ANK2: variants seen among roughly 807,000 people sequenced by gnomAD.
The protein encoded by ANK2 is ankyrin-2.
In ANK2, 83 loss-of-function variants were observed where a neutral mutation model predicts 360.5. The observed-to-expected ratio is 0.23, with a 90% CI of 0.19 to 0.28. The LOEUF (loss-of-function observed/expected upper bound fraction) is 0.28, where lower values mean the gene tolerates loss of function less well. ANK2 is among the 10% of genes least tolerant of loss of function. The probability of loss-of-function intolerance (pLI) is 1.00; values close to 1 mark genes in which losing one functional copy is unlikely to be tolerated. For synonymous variants in ANK2, 1,740 were observed against 1,759.5 expected (o/e 0.99, Z 0.28); for missense variants, 4,201 against 4,795.7 (o/e 0.88, Z 3.66).
chr4:112,827,511 A>T, intron 1 of ANK2: 1 of 1,222,356 alleles, frequency 8.2e-7, no homozygotes, highest in Non-Finnish European at 1.2e-6. Flanking sequence ...TTCATCTAAG[A>T]ATCACAAGAA....
chr4:113,367,758 C>T lies in ANK2; in HGVS notation c.11225C>T (p.Pro3742Leu), dbSNP rs753748906. Residue 3742 changes from proline (P) to leucine (L), a missense_variant, in exon 42 of 46, where the codon CCC becomes CTC. Around this residue, in one of 4 missense-constraint regions of ANK2, gnomAD observed 2,642 missense variants for 2,714.5 expected, o/e 0.97. Transcript: ENST00000357077. ...EGDSSATALF[P>L]QTHKEQVQQD... ...GACAGCTCAGCAACAGCACTCTTTCCCCAAACTCACAAGGAGCAAGTTCAA... is the reference window on the plus strand; with the variant it reads ...GACAGCTCAGCAACAGCACTCTTTCTCCAAACTCACAAGGAGCAAGTTCAA... The T allele has an allele frequency of 1.5e-5, 25 of 1,613,902 alleles. No individual in the cohort carries two copies. Among genetic ancestry groups the T allele is most frequent in the Admixed American group, 3.3e-5 (2 of 59,986 alleles).
intron 1 of ANK2, among the ~76,000 whole-genome samples, chr4:113,171,242 C>T (rs2153220682): frequency 6.6e-6 from 1 of 152,226 alleles, no homozygotes; most frequent in Non-Finnish European, 1.5e-5. Flanking sequence ...TGTTTGAATC[C>T]TCTTTCATCT....
chr4:112,825,700 G>A (rs1276057527), intron 1 of ANK2, among the ~76,000 whole-genome samples: 2 of 152,158 alleles, frequency 1.3e-5, no homozygotes, highest in African/African-American at 4.8e-5. Flanking sequence ...ATATTTACAT[G>A]ACATAAGAGC....
chr4:112,792,431 C>T, the ANK2 span, among the ~76,000 whole-genome samples: 1 of 152,096 alleles, frequency 6.6e-6, no homozygotes, highest in Non-Finnish European at 1.5e-5. Context: ...CTAGTGACAA[C>T]TAAACATTTG....
At position 113,373,140 on chromosome 4, in the gene ANK2, C is replaced by T. The variant is rs1476306807; in HGVS notation, c.11661C>T (p.Tyr3887=). 6.2e-7 allele frequency: 1 copy of T among 1,614,076 alleles called. No homozygotes were observed. Among genetic ancestry groups the T allele is most frequent in the East Asian group, 2.2e-5 (1 of 44,878 alleles). The change falls in exon 44 of 46, where the codon TAC becomes TAT. Residue 3887 remains tyrosine, a synonymous_variant. Transcript: ENST00000357077. ...CAGAAACAGTCACAGAAGAAGAATACATTGATGAGCATGGACACACCGTGG... is the reference window on the plus strand; with the variant it reads ...CAGAAACAGTCACAGAAGAAGAATATATTGATGAGCATGGACACACCGTGG... ...IPPETVTEEE[Y]IDEHGHTVVK...
intron 2 of ANK2, among the ~76,000 whole-genome samples, chr4:112,928,411 C>T (rs1159423577): frequency 6.6e-6 from 1 of 151,556 alleles, no homozygotes; most frequent in African/African-American, 2.4e-5. Context: ...CCATTGTCAA[C>T]CATAAAAATA....
intron 1 of ANK2, among the ~76,000 whole-genome samples, chr4:113,149,907 T>G (rs563887107): frequency 2.0e-5 from 2 of 101,088 alleles, no homozygotes; most frequent in East Asian, 3.3e-4. Context: ...AAAAGAAAGA[T>G]TGAAAGAAGA....
intron 1 of ANK2, among the ~76,000 whole-genome samples, chr4:113,099,382 G>A (rs937807974): frequency 2.0e-5 from 3 of 151,802 alleles, no homozygotes; most frequent in Non-Finnish European, 2.9e-5. Flanking sequence ...ATTGGAATTG[G>A]AATTTTTCAT....
the ANK2 span, among the ~76,000 whole-genome samples, chr4:112,775,230 A>AAGATTTC: frequency 3.9e-5 from 6 of 152,164 alleles, no homozygotes; most frequent in African/African-American, 1.4e-4. Context: ...GATAATTCCT[A>AAGATTTC]AGATTTCACC....
At chr4:113,298,017 C>A (rs2072835376) in intron 22 of ANK2, among the ~76,000 whole-genome samples, 1 of 152,080 alleles carries the variant, frequency 6.6e-6, no homozygotes, top group African/African-American at 2.4e-5. Context: ...AACGATCCAC[C>A]TGCCTTGGCC....
chr4:112,923,223 A>G (rs1010897643), intron 2 of ANK2, among the ~76,000 whole-genome samples: 10 of 152,184 alleles, frequency 6.6e-5, no homozygotes, highest in African/African-American at 2.4e-4. Flanking sequence ...ATATTCCAAT[A>G]CTTTAAAAAT....
At chr4:113,161,332 T>A (rs1022500605) in intron 1 of ANK2, among the ~76,000 whole-genome samples, 5 of 152,238 alleles carry the variant, frequency 3.3e-5, no homozygotes, top group East Asian at 1.9e-4. Flanking sequence ...AAGTTTTTTT[T>A]AAAAGGCAGT....
chr4:113,042,054 T>C (rs893228416), intron 2 of ANK2, among the ~76,000 whole-genome samples: 1 of 152,186 alleles, frequency 6.6e-6, no homozygotes, highest in African/African-American at 2.4e-5. Flanking sequence ...GAAAGTTTCT[T>C]GGAAGAGATT....
At chr4:113,274,179 C>A (rs2059448518) in intron 14 of ANK2, among the ~76,000 whole-genome samples, 1 of 152,198 alleles carries the variant, frequency 6.6e-6, no homozygotes, top group South Asian at 2.1e-4. Context: ...ATAAGTGAGG[C>A]CTAAAGCCTT....
At chr4:113,061,147 G>T (rs1480367796) in intron 1 of ANK2, among the ~76,000 whole-genome samples, 2 of 152,074 alleles carry the variant, frequency 1.3e-5, no homozygotes, top group Non-Finnish European at 2.9e-5. Context: ...TAGGAGGTCT[G>T]TTCCATCTGG....
intron 4 of ANK2, among the ~76,000 whole-genome samples, chr4:113,221,263 G>A (rs1379533711): frequency 6.6e-6 from 1 of 151,416 alleles, no homozygotes; most frequent in Non-Finnish European, 1.5e-5. Context: ...TTGGTCTGGA[G>A]CAACATCACA....
chr4:112,816,296 A>G (rs758701490), upstream of ANK2, among the ~76,000 whole-genome samples: 3 of 152,192 alleles, frequency 2.0e-5, no homozygotes, highest in Non-Finnish European at 4.4e-5. Context: ...TACTCTTTAT[A>G]TAGCTTATTT....
chr4:113,140,468 G>A (rs1335888543), intron 1 of ANK2, among the ~76,000 whole-genome samples: 6 of 152,202 alleles, frequency 3.9e-5, no homozygotes, highest in Non-Finnish European at 5.9e-5. Context: ...TAAATATCAC[G>A]TTAGGATAGT....
At chr4:112,706,425 G>A in the ANK2 span, among the ~76,000 whole-genome samples, 1 of 151,996 alleles carries the variant, frequency 6.6e-6, no homozygotes, top group East Asian at 1.9e-4. Flanking sequence ...CACACACGCA[G>A]ATAGCCCTAG....
Sources: allele counts gnomAD v4.1 joint callset (sites outside exome capture counted in the v4.1 genomes callset), GRCh38; gene constraint gnomAD v4.1.1; regional missense constraint gnomAD v4.1.1; transcripts MANE v1.5; gene names NCBI Gene and HGNC (gene_info 2026-07-23, HGNC 2026-07-21).